NFX1: variants seen among roughly 807,000 people sequenced by gnomAD.
NFX1 encodes transcriptional repressor NF-X1.
A neutral mutation model predicts 137.2 loss-of-function variants in NFX1; 69 were observed. The observed-to-expected ratio is 0.50, with a 90% CI of 0.41 to 0.61. The LOEUF (loss-of-function observed/expected upper bound fraction) is 0.61. NFX1 is among the 20% of genes least tolerant of loss of function. The pLI, the probability that NFX1 is intolerant of heterozygous loss-of-function variation, is 0.00. For synonymous variants in NFX1, 495 were observed against 474.1 expected, an observed-to-expected ratio of 1.04 and a Z score of -0.57; for missense variants, 1,167 against 1,391.0, an observed-to-expected ratio of 0.84 and a Z score of 2.56.
intron 9 of NFX1, among the ~76,000 whole-genome samples, chr9:33,322,872 G>C (rs1401647038): frequency 6.6e-6 from 1 of 152,190 alleles, no homozygotes; most frequent in Non-Finnish European, 1.5e-5. Context: ...TAAACTGTAG[G>C]CCATCTAGTT....
chr9:33,370,208 A>G lies in NFX1; in HGVS notation c.*230A>G, dbSNP rs924332390. On this transcript the variant is annotated 3_prime_UTR_variant, in exon 24 of 24. Transcript: ENST00000379540. ...TGATTGTATGGTCACTAGGTATGCA[A>G]TCACGCATTCAAAGAGGCTCTTTAC... 7.1e-6 allele frequency: 3 copies of G among 424,814 alleles called. No homozygotes were observed. Among genetic ancestry groups the G allele is most frequent in the South Asian group, 4.6e-5 (1 of 21,544 alleles). The allele number at this position is 424,814 out of a possible 1,614,324, so 26.3% of individuals were successfully genotyped here.
intron 19 of NFX1, among the ~76,000 whole-genome samples, chr9:33,357,987 G>A (rs1008133176): frequency 1.6e-4 from 24 of 152,072 alleles, no homozygotes; most frequent in Non-Finnish European, 3.1e-4. Context: ...AAGAGAAGGT[G>A]TATTCTTGCA....
intron 20 of NFX1, 139 bp downstream of exon 20, chr9:33,364,247 G>C: frequency 1.8e-6 from 1 of 564,808 alleles, no homozygotes; most frequent in Non-Finnish European, 3.1e-6. Context: ...GAGATTATGT[G>C]CTGTTTAATA....
At chr9:33,339,133 A>G (rs1277370887) in intron 12 of NFX1, among the ~76,000 whole-genome samples, 4 of 152,176 alleles carry the variant, frequency 2.6e-5, no homozygotes, top group African/African-American at 9.7e-5. Flanking sequence ...AATATAACGT[A>G]TGCTATATAT....
At chr9:33,293,779 T>C (rs1467913200) in intron 1 of NFX1, among the ~76,000 whole-genome samples, 1 of 152,194 alleles carries the variant, frequency 6.6e-6, no homozygotes, top group African/African-American at 2.4e-5. Context: ...GTAGACCAGA[T>C]TATAGAGGTT....
In NFX1 at chr9:33,311,193, C is replaced by T. The variant is rs184672898; in HGVS notation, c.1448+16C>T. On this transcript the variant is annotated intron_variant, in intron 6 of 23. Coordinates refer to ENST00000379540, the MANE Select transcript of NFX1 (RefSeq NM_002504.6). The stretch of plus-strand genomic sequence containing the variant: ...GACGAACCAGGTAAAGTTAAAATTA[C>T]ACCCTAAAGAAGACCTCAGTTTTCA... 6 of 1,607,540 alleles carry T rather than the reference C, an allele frequency of 3.7e-6. No individual in the cohort carries two copies. In the Admixed American group the frequency reaches 8.3e-5, roughly 22 times the overall value.
intron 7 of NFX1, among the ~76,000 whole-genome samples, chr9:33,317,976 A>G (rs1262971532): frequency 2.7e-5 from 4 of 147,908 alleles, no homozygotes; most frequent in African/African-American, 1.0e-4. Flanking sequence ...TCTGTCTCAA[A>G]AAAAAAAAAA....
intron 21 of NFX1, 64 bp from the exon 22 acceptor site, chr9:33,366,565 T>C: frequency 6.3e-7 from 1 of 1,580,070 alleles, no homozygotes; most frequent in Non-Finnish European, 8.7e-7. Flanking sequence ...TGTGGTAAGA[T>C]TAGTTGTAAG....
At position 33,370,051 on chromosome 9, in the gene NFX1, G is replaced by A. The variant is rs1824283074; in HGVS notation, c.*73G>A. 8.6e-7 allele frequency: 1 copy of A among 1,168,174 alleles called. No individual in the cohort carries two copies. The allele number at this position is 1,168,174 out of a possible 1,614,324, so 72.4% of individuals were successfully genotyped here. On this transcript the variant is annotated 3_prime_UTR_variant, in exon 24 of 24. Transcript: ENST00000379540. ...ACTTATTTGCCAGCAGATAAATCAT[G>A]CCCGTTCCCCTCTGCCTGGCAGAAT...
intron 23 of NFX1, among the ~76,000 whole-genome samples, chr9:33,368,096 G>A (rs1412214768): frequency 6.6e-6 from 1 of 152,164 alleles, no homozygotes; most frequent in African/African-American, 2.4e-5. Flanking sequence ...GTAGCCGGGT[G>A]TGGTGGCGGG....
rs1564112474 is a variant in NFX1, at chr9:33,313,685, G to C, written c.1480G>C (p.Val494Leu). 1.9e-6 allele frequency: 3 copies of C among 1,614,050 alleles called. No individual in the cohort carries two copies. Among genetic ancestry groups the C allele is most frequent in the African/African-American group, 2.7e-5 (2 of 74,904 alleles). ...HTVRCGQAVS[V>L]HCSNPCENIL... Reference sequence around the variant, plus strand: ...AGTTCGCTGTGGTCAGGCTGTCTCAGTCCACTGTTCTAACCCATGTGAGAA... The same window carrying C: ...AGTTCGCTGTGGTCAGGCTGTCTCACTCCACTGTTCTAACCCATGTGAGAA... Residue 494 changes from valine (V) to leucine (L), a missense_variant, in exon 7 of 24, where the codon GTC (valine) becomes CTC (leucine). Coordinates refer to ENST00000379540, the MANE Select transcript of NFX1 (RefSeq NM_002504.6).
chr9:33,324,067 C>G (rs888532886), intron 9 of NFX1, among the ~76,000 whole-genome samples: 1 of 151,898 alleles, frequency 6.6e-6, no homozygotes, highest in Non-Finnish European at 1.5e-5. Context: ...GTAGTGAGAC[C>G]CTATCTCTAC....
intron 9 of NFX1, among the ~76,000 whole-genome samples, chr9:33,319,945 TTTTTCTTTTC>T (rs1217127193): frequency 1.3e-5 from 2 of 151,360 alleles, no homozygotes; most frequent in African/African-American, 4.9e-5. Context: ...TGGATGAATA[TTTTTCTTTTC>T]TTTTCTTTTC....
chr9:33,326,956 A>G (rs910653119), intron 9 of NFX1, among the ~76,000 whole-genome samples: 11 of 152,318 alleles, frequency 7.2e-5, no homozygotes, highest in African/African-American at 2.6e-4. Flanking sequence ...TGTATATGGT[A>G]AGCCCTAGAG....
chr9:33,347,284 A>G (rs946481758), intron 15 of NFX1, among the ~76,000 whole-genome samples, 167 bp downstream of exon 15: 3 of 152,190 alleles, frequency 2.0e-5, no homozygotes, highest in South Asian at 2.1e-4. Flanking sequence ...AACAGAATTT[A>G]CCCTTTTTAT....
Position 33,295,349 on chromosome 9 carries a change from A to C in NFX1, c.955A>C (p.Arg319=). Residue 319 remains arginine (R), a synonymous_variant, in exon 2 of 24, where the codon AGG becomes CGG. Transcript: ENST00000379540. ...TGACCAAGAGAAATGCACTGTACGG[A>C]GGCAGGATCCTCAAGTAGTATCTCC... ...RVDQEKCTVR[R]QDPQVVSPFS... is the part of the protein sequence containing the mutation. The C allele has an allele frequency of 6.2e-7, 1 of 1,614,188 alleles. No individual in the cohort carries two copies. Among genetic ancestry groups the C allele is most frequent in the South Asian group, 1.1e-5 (1 of 91,090 alleles).
chr9:33,340,343 C>G (rs1405451361), intron 12 of NFX1, among the ~76,000 whole-genome samples: 1 of 152,256 alleles, frequency 6.6e-6, no homozygotes, highest in Non-Finnish European at 1.5e-5. Flanking sequence ...GGCCCAAGCT[C>G]TGTGTTGGCC....
At chr9:33,331,201 C>T (rs1252317675) in intron 10 of NFX1, among the ~76,000 whole-genome samples, 1 of 151,992 alleles carries the variant, frequency 6.6e-6, no homozygotes, top group African/African-American at 2.4e-5. Flanking sequence ...TAATTATCAC[C>T]TCATTGTTTA....
At chr9:33,353,447 G>A (rs1823711666) in intron 17 of NFX1, among the ~76,000 whole-genome samples, 1 of 152,134 alleles carries the variant, frequency 6.6e-6, no homozygotes, top group African/African-American at 2.4e-5. Context: ...TATCTGGTTA[G>A]ATGGGGAGAG....
Sources: gnomAD v4.1 joint callset for allele counts (sites outside exome capture counted in the v4.1 genomes callset) on GRCh38, gnomAD v4.1.1 for gene constraint, MANE v1.5 for transcripts, NCBI Gene and HGNC (gene_info 2026-07-23, HGNC 2026-07-21) for gene names.